FAF1: variants seen among roughly 807,000 people sequenced by gnomAD.
FAF1 encodes FAS-associated factor 1.
FAF1 carries 25 observed loss-of-function variants against 92.5 expected under a neutral mutation model. The observed-to-expected ratio is 0.27, with a 90% CI of 0.20 to 0.38. The LOEUF is 0.38. Ranked by LOEUF, FAF1 falls within the 10% of genes least tolerant of loss-of-function variation. The probability of loss-of-function intolerance (pLI) is 1.00; values close to 1 mark genes in which losing one functional copy is unlikely to be tolerated. For missense variants in FAF1, 636 were observed against 793.3 expected, an observed-to-expected ratio of 0.80 and a Z score of 2.38; for synonymous variants, 234 against 273.2, an observed-to-expected ratio of 0.86 and a Z score of 1.42.
intron 17 of FAF1, among the ~76,000 whole-genome samples, chr1:50,476,287 A>G (rs1646638894): frequency 6.6e-6 from 1 of 152,256 alleles, no homozygotes; most frequent in Admixed American, 6.5e-5. Flanking sequence ...CAATAAAAGA[A>G]AAGTTTTAAA....
Position 50,819,692 on chromosome 1 carries a change from C to CGT in FAF1, c.115-18016_115-18015insAC, listed in dbSNP as rs1436857058. Among the ~76,000 whole-genome samples, 7 of 45,614 alleles carry CGT rather than the reference C, an allele frequency of 1.5e-4. 1 individual carries two copies. Among genetic ancestry groups the CGT allele is most frequent in the African/African-American group, 4.2e-4 (6 of 14,228 alleles). 29.9% of individuals were successfully genotyped at this position (45,614 alleles called of 152,430 possible). A position where few individuals can be genotyped will look rare whatever the true frequency, so the allele number is the denominator to read the frequency against. On this transcript the variant is annotated intron_variant, in intron 2 of 18. Coordinates refer to ENST00000396153, the MANE Select transcript of FAF1 (RefSeq NM_007051.3). ...CACTCTCTCTCTGTATATATATATACATATATATATACATATATATATACG... is the reference window on the plus strand; with the variant it reads ...CACTCTCTCTCTGTATATATATATACGTATATATATATACATATATATATACG...
At chr1:50,623,815 C>T (rs960988890) in intron 8 of FAF1, among the ~76,000 whole-genome samples, 2 of 151,622 alleles carry the variant, frequency 1.3e-5, no homozygotes, top group African/African-American at 2.4e-5. Flanking sequence ...TGGTGGTATG[C>T]GCCTGTAGTC....
intron 1 of FAF1, among the ~76,000 whole-genome samples, chr1:50,906,770 A>G (rs1644842299): frequency 6.6e-6 from 1 of 152,218 alleles, no homozygotes; most frequent in Non-Finnish European, 1.5e-5. Flanking sequence ...CAGCTTAAGG[A>G]GATTTTGGGC....
chr1:50,618,413 A>AG lies in FAF1; in HGVS notation c.745-22198dup, dbSNP rs1250547001. 8.9e-4 allele frequency among the ~76,000 whole-genome samples: 88 copies of AG among 98,862 alleles called. 1 individual carries two copies. Among genetic ancestry groups the AG allele is most frequent in the Non-Finnish European group, 1.4e-3 (61 of 44,552 alleles). 64.9% of individuals were successfully genotyped at this position (98,862 alleles called of 152,430 possible). On this transcript the variant is annotated intron_variant, in intron 8 of 18. Transcript: ENST00000396153. ...ATCCATCTGTTTGTGTAGTTTTTAG[A>AG]GTTTTTTTTTTTTTTTTTTTTGTAT...
At chr1:50,561,867 AAGGAAGGAAGGAAGG>A (rs1649927049) in intron 13 of FAF1, among the ~76,000 whole-genome samples, 1 of 150,928 alleles carries the variant, frequency 6.6e-6, no homozygotes, top group African/African-American at 2.5e-5. Context: ...GGAAGGAAGG[AAGGAAGGAAGGAAGG>A]AAGGAAGGAA....
chr1:50,440,163 G>A lies in FAF1; in HGVS notation c.*1277C>T, dbSNP rs551075585. ...CCAACCCCTAGGATAAAACCCACAG[G>A]TGACACAAAAACAGATATGGAGAAA... On this transcript the variant is annotated 3_prime_UTR_variant, in exon 19 of 19. Transcript: ENST00000396153. 6.6e-6 allele frequency: 1 copy of A among 152,242 alleles called. No individual in the cohort carries two copies. The highest frequency in any genetic ancestry group is 2.1e-4 in the South Asian group (1 of 4,822). 9.4% of individuals were successfully genotyped at this position (152,242 alleles called of 1,614,324 possible). A position where few individuals can be genotyped will look rare whatever the true frequency, so the allele number is the denominator to read the frequency against.
rs375105233 is a variant in FAF1, at chr1:50,767,834, C to T, written c.367+20166G>A. On this transcript the variant is annotated intron_variant, in intron 4 of 18. Coordinates refer to ENST00000396153, the MANE Select transcript of FAF1 (RefSeq NM_007051.3). Reference sequence around the variant, plus strand: ...GGAAAGGAAAGACCATTACTAGACACCACAAAAACTCACTTAAATACATAG... The same window carrying T: ...GGAAAGGAAAGACCATTACTAGACATCACAAAAACTCACTTAAATACATAG... Among the ~76,000 whole-genome samples, 423 of 152,208 alleles carry T rather than the reference C, an allele frequency of 2.8e-3. 18 individuals carry two copies. In the South Asian group the frequency reaches 0.082, roughly 29 times the overall value.
chr1:50,529,067 G>A (rs1472998800), intron 15 of FAF1, among the ~76,000 whole-genome samples: 2 of 152,050 alleles, frequency 1.3e-5, no homozygotes, highest in Non-Finnish European at 2.9e-5. Flanking sequence ...AGTTTTGGGG[G>A]AGTCAAAAGT....
At chr1:50,659,203 T>G (rs1411781217) in intron 7 of FAF1, among the ~76,000 whole-genome samples, 3 of 151,330 alleles carry the variant, frequency 2.0e-5, no homozygotes, top group African/African-American at 4.9e-5. Flanking sequence ...ACACAGTTCT[T>G]TCAGAGAAGG....
At chr1:50,528,249 T>A (rs1243292908) in intron 15 of FAF1, among the ~76,000 whole-genome samples, 1 of 152,170 alleles carries the variant, frequency 6.6e-6, no homozygotes, top group Admixed American at 6.5e-5. Context: ...AGGGTTTGCA[T>A]CCATTTTTAC....
At chr1:50,644,515 T>C (rs1380969813) in intron 8 of FAF1, among the ~76,000 whole-genome samples, 1 of 152,248 alleles carries the variant, frequency 6.6e-6, no homozygotes, top group Admixed American at 6.5e-5. Context: ...GAGATTTTTC[T>C]CTGCTGGTAG....
chr1:50,574,244 T>TTATTGTATTGTATTGTA (rs1650603789), intron 12 of FAF1, among the ~76,000 whole-genome samples: 1 of 152,202 alleles, frequency 6.6e-6, no homozygotes, highest in South Asian at 2.1e-4. Context: ...ATACAATATA[T>TTATTGTATTGTATTGTA]TTGAGGAAGG....
intron 7 of FAF1, among the ~76,000 whole-genome samples, chr1:50,677,915 A>G (rs1418036676): frequency 1.3e-5 from 2 of 152,036 alleles, no homozygotes; most frequent in East Asian, 3.9e-4. Flanking sequence ...AAAAAAAAAA[A>G]AAGAGCAACT....
chr1:50,796,344 GC>G (rs1406840524), intron 3 of FAF1, among the ~76,000 whole-genome samples: 1 of 152,156 alleles, frequency 6.6e-6, no homozygotes, highest in East Asian at 1.9e-4. Flanking sequence ...TTAGCTTCTA[GC>G]TTTTTTTTTA....
chr1:50,928,164 T>C (rs1168568525), intron 1 of FAF1, among the ~76,000 whole-genome samples: 1 of 152,080 alleles, frequency 6.6e-6, no homozygotes, highest in East Asian at 1.9e-4. Context: ...CATGCTATGG[T>C]GCACTTTTAC....
At chr1:50,755,105 C>T (rs181232743) in intron 4 of FAF1, among the ~76,000 whole-genome samples, 151 of 152,222 alleles carry the variant, frequency 9.9e-4, no homozygotes, top group African/African-American at 3.5e-3. Context: ...CCCAACAGTC[C>T]CCCAAAGTCT....
intron 12 of FAF1, among the ~76,000 whole-genome samples, chr1:50,567,688 T>G (rs1650234893): frequency 6.6e-6 from 1 of 152,098 alleles, no homozygotes. Context: ...GAACAATGGA[T>G]AGTCTCTTCC....
At chr1:50,527,899 G>T (rs1557982455) in intron 15 of FAF1, among the ~76,000 whole-genome samples, 1 of 110,222 alleles carries the variant, frequency 9.1e-6, no homozygotes, top group East Asian at 2.3e-4. Context: ...CTGAGACAGG[G>T]TCTTACTCTT....
intron 1 of FAF1, among the ~76,000 whole-genome samples, chr1:50,939,739 G>A (rs911489479): frequency 6.6e-6 from 1 of 152,120 alleles, no homozygotes; most frequent in African/African-American, 2.4e-5. Flanking sequence ...ATGAAAGGAT[G>A]TTAGATTTTA....
Sources: gnomAD v4.1 joint callset for allele counts (sites outside exome capture counted in the v4.1 genomes callset) on GRCh38, gnomAD v4.1.1 for gene constraint, MANE v1.5 for transcripts, NCBI Gene and HGNC (gene_info 2026-07-23, HGNC 2026-07-21) for gene names.